Variants in METTL15 observed in about 807,000 individuals in gnomAD.
METTL15 encodes the protein methyltransferase 15, mitochondrial 12S rRNA N4-cytidine.
A neutral mutation model predicts 38.3 loss-of-function variants in METTL15; 34 were observed. That is an observed-to-expected ratio of 0.89 (90% CI 0.68 to 1.18). The LOEUF is 1.18. METTL15 is among the 50% of genes most tolerant of loss of function. METTL15 has a pLI of 0.00. For missense variants in METTL15, 438 were observed against 498.4 expected, an observed-to-expected ratio of 0.88 and a Z score of 1.15; for synonymous variants, 162 against 170.9, an observed-to-expected ratio of 0.95 and a Z score of 0.41.
chr11:28,292,667 T>C (rs1460647001), intron 5 of METTL15, among the ~76,000 whole-genome samples: 1 of 152,168 alleles, frequency 6.6e-6, no homozygotes, highest in African/African-American at 2.4e-5. Flanking sequence ...TAGTTTACAG[T>C]CCCACCAACA....
intron 5 of METTL15, among the ~76,000 whole-genome samples, chr11:28,366,583 C>T (rs984222632): frequency 6.6e-6 from 1 of 152,116 alleles, no homozygotes; most frequent in Admixed American, 6.5e-5. Flanking sequence ...AGAGAGGAGC[C>T]TACCTAGTAG....
chr11:28,172,121 C>T (rs1850881245), intron 3 of METTL15, among the ~76,000 whole-genome samples: 1 of 152,058 alleles, frequency 6.6e-6, no homozygotes, highest in South Asian at 2.1e-4. Flanking sequence ...AATTTTACTT[C>T]TACCATAATC....
chr11:28,175,502 A>G (rs568323973), intron 3 of METTL15, among the ~76,000 whole-genome samples: 1 of 152,322 alleles, frequency 6.6e-6, no homozygotes, highest in South Asian at 2.1e-4. Context: ...TTCTAGTTCT[A>G]GATCCCTGAG....
chr11:28,292,439 T>TTCTTAA (rs1466743021), intron 5 of METTL15, among the ~76,000 whole-genome samples: 2 of 152,152 alleles, frequency 1.3e-5, no homozygotes, highest in Admixed American at 1.3e-4. Context: ...GTGCCACATT[T>TTCTTAA]TCTTAATCCA....
At chr11:28,425,893 C>A (rs571902558) in intron 6 of METTL15, among the ~76,000 whole-genome samples, 63 of 152,270 alleles carry the variant, frequency 4.1e-4, no homozygotes, top group African/African-American at 1.5e-3. Context: ...CTATTTGAAT[C>A]TGTATTCCAG....
chr11:28,353,835 G>A lies in METTL15; in HGVS notation c.*258+1677G>A, dbSNP rs1202578677. ...AGCTACTGGGGAGGCTGAGGCAGGAGAATGGCGTGAACCCGGGAAGCGGAG... is the reference window on the plus strand; with the variant it reads ...AGCTACTGGGGAGGCTGAGGCAGGAAAATGGCGTGAACCCGGGAAGCGGAG... On this transcript the variant is annotated intron_variant and NMD_transcript_variant, in intron 4 of 7. Coordinates refer to the METTL15 transcript ENST00000532947. Among the ~76,000 whole-genome samples the A allele has an allele frequency of 1.6e-4, 24 of 150,176 alleles. 1 individual carries two copies. Among genetic ancestry groups the A allele is most frequent in the African/African-American group, 5.7e-4 (23 of 40,702 alleles).
chr11:28,216,261 A>G (rs1590171571), intron 4 of METTL15, among the ~76,000 whole-genome samples: 2 of 152,128 alleles, frequency 1.3e-5, no homozygotes, highest in South Asian at 4.1e-4. Context: ...TAATGAATCA[A>G]TACAATATTG....
intron 6 of METTL15, among the ~76,000 whole-genome samples, chr11:28,519,538 G>C (rs555738656): frequency 6.8e-6 from 1 of 146,660 alleles, no homozygotes; most frequent in Non-Finnish European, 1.5e-5. Context: ...CTGGGCGACA[G>C]AGTGAGGCTC....
intron 5 of METTL15, among the ~76,000 whole-genome samples, chr11:28,291,051 T>C (rs977333988): frequency 7.0e-5 from 4 of 57,214 alleles, no homozygotes; most frequent in African/African-American, 1.4e-4. Context: ...AATTCTTTTC[T>C]TTTTTTTTTT....
chr11:28,491,418 T>A (rs1399875302), intron 6 of METTL15, among the ~76,000 whole-genome samples: 1 of 152,116 alleles, frequency 6.6e-6, no homozygotes, highest in South Asian at 2.1e-4. Context: ...GGACCCTCAC[T>A]CATTCTTATA....
chr11:28,158,364 A>G (rs1256906122), intron 3 of METTL15, among the ~76,000 whole-genome samples: 1 of 152,192 alleles, frequency 6.6e-6, no homozygotes, highest in East Asian at 1.9e-4. Context: ...CCATAGTGGC[A>G]GGGATGGAGT....
intron 3 of METTL15, among the ~76,000 whole-genome samples, chr11:28,122,333 A>ATGTGTGTG (rs61147516): frequency 2.6e-4 from 29 of 112,098 alleles, no homozygotes; most frequent in South Asian, 2.3e-3. Context: ...ATGTGTGTAT[A>ATGTGTGTG]TGTGTGTGTG....
At chr11:28,208,604 G>A (rs1852474947) in intron 3 of METTL15, among the ~76,000 whole-genome samples, 1 of 152,138 alleles carries the variant, frequency 6.6e-6, no homozygotes, top group Non-Finnish European at 1.5e-5. Flanking sequence ...GGGGTGGAGA[G>A]TTCTGTAGAT....
intron 5 of METTL15, among the ~76,000 whole-genome samples, chr11:28,394,272 A>T (rs1005027697): frequency 2.0e-5 from 3 of 152,092 alleles, no homozygotes; most frequent in African/African-American, 4.8e-5. Flanking sequence ...ACAGATGGTT[A>T]ACAAAGAAAA....
chr11:28,223,405 T>C (rs1853333898), intron 4 of METTL15, among the ~76,000 whole-genome samples: 1 of 151,998 alleles, frequency 6.6e-6, no homozygotes, highest in Non-Finnish European at 1.5e-5. Context: ...TGTTTGGGAG[T>C]ATTTGTGGCA....
At chr11:28,520,690 A>G (rs905837729) in intron 6 of METTL15, among the ~76,000 whole-genome samples, 1 of 152,248 alleles carries the variant, frequency 6.6e-6, no homozygotes, top group African/African-American at 2.4e-5. Context: ...CTAGCATGCT[A>G]TAAAATTTCA....
At chr11:28,133,922 A>G (rs1175055596) in intron 3 of METTL15, among the ~76,000 whole-genome samples, 1 of 152,214 alleles carries the variant, frequency 6.6e-6, no homozygotes, top group African/African-American at 2.4e-5. Flanking sequence ...AGGATACAGA[A>G]GTAATATACA....
chr11:28,219,161 A>C (rs1853059956), intron 4 of METTL15, among the ~76,000 whole-genome samples: 1 of 152,192 alleles, frequency 6.6e-6, no homozygotes, highest in Non-Finnish European at 1.5e-5. Flanking sequence ...TACCTCTGGT[A>C]GAATTAGGCT....
intron 4 of METTL15, among the ~76,000 whole-genome samples, chr11:28,217,549 G>A (rs1196273957): frequency 1.3e-5 from 2 of 152,094 alleles, no homozygotes; most frequent in African/African-American, 2.4e-5. Context: ...CTGTGCAGAA[G>A]CTCTTTAGTT....
Sources: gnomAD v4.1 joint callset for allele counts (sites outside exome capture counted in the v4.1 genomes callset) on GRCh38, gnomAD v4.1.1 for gene constraint, MANE v1.5 for transcripts, NCBI Gene and HGNC (gene_info 2026-07-23, HGNC 2026-07-21) for gene names.